Variants in NGLY1 observed in about 807,000 individuals in gnomAD.
NGLY1 encodes the protein N-glycanase 1.
In NGLY1, 68 loss-of-function variants were observed where a neutral mutation model predicts 84.6. The ratio of observed to expected loss-of-function variants is 0.80; its 90% CI spans 0.66 to 0.98. The LOEUF is 0.98. NGLY1 is among the 50% of genes least tolerant of loss of function. The probability of loss-of-function intolerance (pLI) is 0.00; values close to 1 mark genes in which losing one functional copy is unlikely to be tolerated. For missense variants in NGLY1, 779 were observed against 770.2 expected (o/e 1.01, Z -0.14); for synonymous variants, 280 against 275.2 (o/e 1.02, Z -0.17).
intron 4 of NGLY1, among the ~76,000 whole-genome samples, chr3:25,749,239 C>T (rs1706599054): frequency 6.6e-6 from 1 of 152,214 alleles, no homozygotes; most frequent in Non-Finnish European, 1.5e-5. Context: ...AGTTTCACTT[C>T]TGGGTGTATA....
At chr3:25,733,810 G>T in intron 8 of NGLY1, 62 bp downstream of exon 8, 1 of 1,045,790 alleles carries the variant, frequency 9.6e-7, no homozygotes, top group Admixed American at 2.1e-5. Flanking sequence ...GCTAATAAAC[G>T]GCTATTCTCG....
chr3:25,778,381 T>C lies in NGLY1; in HGVS notation c.246+193A>G, dbSNP rs13073647. The C allele has an allele frequency of 0.053, 22,602 of 429,148 alleles. 1,880 individuals carry two copies. Among genetic ancestry groups the C allele is most frequent in the African/African-American group, 0.26 (12,930 of 48,958 alleles). 26.6% of individuals were successfully genotyped at this position (429,148 alleles called of 1,614,324 possible). A position where few individuals can be genotyped will look rare whatever the true frequency, so the allele number is the denominator to read the frequency against. ...GTAAGAATTTCTCTGTGGAGCGTTG[T>C]TACATTTTACTGAAATTTTAAACTA... is the stretch of plus-strand genomic sequence containing the variant. On this transcript the variant is annotated intron_variant, in intron 2 of 11. Coordinates refer to ENST00000280700, the MANE Select transcript of NGLY1 (RefSeq NM_018297.4).
chr3:25,734,675 G>T (rs1464335163), intron 7 of NGLY1: 8 of 541,010 alleles, frequency 1.5e-5, no homozygotes, highest in African/African-American at 4.0e-5. Flanking sequence ...TCATGCAACT[G>T]CACTCCAGCC....
chr3:25,738,111 T>C (rs571783789), intron 5 of NGLY1, among the ~76,000 whole-genome samples: 1 of 152,172 alleles, frequency 6.6e-6, no homozygotes, highest in South Asian at 2.1e-4. Context: ...AATGTAAGAT[T>C]TGGAGAAGCA....
At chr3:25,723,014 A>C (rs1260237297) in intron 10 of NGLY1, among the ~76,000 whole-genome samples, 1 of 152,230 alleles carries the variant, frequency 6.6e-6, no homozygotes, top group African/African-American at 2.4e-5. Flanking sequence ...ACTCAAATTT[A>C]TCTCTCAATA....
chr3:25,766,377 T>C (rs199995305), intron 2 of NGLY1, among the ~76,000 whole-genome samples: 7 of 152,090 alleles, frequency 4.6e-5, no homozygotes. Flanking sequence ...AATACTCACA[T>C]GAAAATACAA....
At chr3:25,759,130 G>A (rs148518152) in intron 3 of NGLY1, among the ~76,000 whole-genome samples, 2 of 152,242 alleles carry the variant, frequency 1.3e-5, no homozygotes, top group Admixed American at 6.5e-5. Flanking sequence ...GAGATTCCAT[G>A]GTGAACAGAG....
intron 3 of NGLY1, among the ~76,000 whole-genome samples, chr3:25,751,844 C>T (rs887752448): frequency 1.3e-5 from 2 of 152,208 alleles, no homozygotes; most frequent in Non-Finnish European, 2.9e-5. Context: ...CTAATTATCT[C>T]GGCTTCTCCC....
At chr3:25,737,212 G>A (rs1705872013) in intron 6 of NGLY1, 122 bp downstream of exon 6, 1 of 744,354 alleles carries the variant, frequency 1.3e-6, no homozygotes, top group African/African-American at 1.8e-5. Flanking sequence ...TTTTACACAA[G>A]GCAAATGGAA....
chr3:25,721,847 A>G (rs1029468748), intron 10 of NGLY1, among the ~76,000 whole-genome samples: 1 of 150,414 alleles, frequency 6.6e-6, no homozygotes, highest in Non-Finnish European at 1.5e-5. Context: ...TTTATACTAT[A>G]CTCCTTTATA....
chr3:25,788,784 C>G (rs1708658094), intron 1 of NGLY1, among the ~76,000 whole-genome samples: 1 of 152,210 alleles, frequency 6.6e-6, no homozygotes, highest in African/African-American at 2.4e-5. Flanking sequence ...TCTACTTTGT[C>G]ACTGAATGAG....
intron 3 of NGLY1, among the ~76,000 whole-genome samples, chr3:25,753,916 A>G (rs1244378409): frequency 6.6e-6 from 1 of 152,226 alleles, no homozygotes; most frequent in African/African-American, 2.4e-5. Context: ...CTTACATGTC[A>G]GGCACTGTAT....
upstream of NGLY1, among the ~76,000 whole-genome samples, chr3:25,787,747 A>G (rs1358666924): frequency 1.3e-5 from 2 of 152,208 alleles, no homozygotes; most frequent in African/African-American, 2.4e-5. Context: ...AGTCCTCAGT[A>G]TGATACCCCA....
intron 3 of NGLY1, among the ~76,000 whole-genome samples, chr3:25,751,986 T>C (rs1706778505): frequency 6.6e-6 from 1 of 152,202 alleles, no homozygotes; most frequent in African/African-American, 2.4e-5. Context: ...CAACATGTAC[T>C]GCCCTTCTCC....
At chr3:25,778,317 G>A (rs375782797) in intron 2 of NGLY1, 4 of 268,012 alleles carry the variant, frequency 1.5e-5, no homozygotes, top group South Asian at 1.5e-4. Flanking sequence ...TTGGTCCTTG[G>A]GTTGCATGTA....
intron 3 of NGLY1, among the ~76,000 whole-genome samples, chr3:25,756,892 C>T (rs1707063870): frequency 6.6e-6 from 1 of 152,184 alleles, no homozygotes. Flanking sequence ...TGTAATATTG[C>T]TGAACACTTT....
At chr3:25,776,520 C>T (rs1708161951) in intron 2 of NGLY1, among the ~76,000 whole-genome samples, 1 of 152,154 alleles carries the variant, frequency 6.6e-6, no homozygotes, top group Non-Finnish European at 1.5e-5. Flanking sequence ...ATATCCCCTG[C>T]CTAATCTCTC....
chr3:25,780,453 T>C (rs757175806), intron 1 of NGLY1, among the ~76,000 whole-genome samples: 1 of 152,216 alleles, frequency 6.6e-6, no homozygotes, highest in Non-Finnish European at 1.5e-5. Flanking sequence ...ACCACCAGGA[T>C]GATATATCCT....
chr3:25,752,018 A>T (rs146019138), intron 3 of NGLY1, among the ~76,000 whole-genome samples: 93 of 152,336 alleles, frequency 6.1e-4, no homozygotes, highest in African/African-American at 2.1e-3. Flanking sequence ...AAGCAAATGC[A>T]GTATTCACAG....
Sources: allele counts gnomAD v4.1 joint callset (sites outside exome capture counted in the v4.1 genomes callset), GRCh38; gene constraint gnomAD v4.1.1; transcripts MANE v1.5; gene names NCBI Gene and HGNC (gene_info 2026-07-23, HGNC 2026-07-21).